PTPRD: variants seen among roughly 807,000 people sequenced by gnomAD.
PTPRD encodes the protein protein tyrosine phosphatase receptor type D.
In PTPRD, 34 loss-of-function variants were observed where a neutral mutation model predicts 214.5. The ratio of observed to expected loss-of-function variants is 0.16; its 90% confidence interval spans 0.12 to 0.21. PTPRD has a LOEUF of 0.21. Among genes scored for constraint, PTPRD ranks in the 10% least tolerant of loss-of-function variants. The pLI, the probability that PTPRD is intolerant of heterozygous loss-of-function variation, is 1.00. For synonymous variants in PTPRD, 1,128 were observed against 845.7 expected, an observed-to-expected ratio of 1.33 and a Z score of -5.79; for missense variants, 2,545 against 2,398.7, an observed-to-expected ratio of 1.06 and a Z score of -1.27.
At chr9:10,303,658 T>A (rs565538861) in intron 3 of PTPRD, among the ~76,000 whole-genome samples, 18 of 151,988 alleles carry the variant, frequency 1.2e-4, no homozygotes, top group African/African-American at 3.9e-4. Context: ...AACTAGAAAA[T>A]CTAGAAGAAA....
At chr9:9,509,440 A>G (rs1375968443) in intron 8 of PTPRD, among the ~76,000 whole-genome samples, 3 of 151,458 alleles carry the variant, frequency 2.0e-5, no homozygotes, top group Non-Finnish European at 4.4e-5. Context: ...GAAACTTACT[A>G]GATCATCACA....
rs142717411 is a variant in PTPRD at position 8,533,810 on chromosome 9, C to G, written c.353-5031G>C. 8.4e-4 allele frequency among the ~76,000 whole-genome samples: 128 copies of G among 152,110 alleles called. 3 individuals are homozygous for G. In the East Asian group the frequency reaches 0.017, roughly 20 times the overall value. On this transcript the variant is annotated intron_variant, in intron 14 of 45. Transcript: ENST00000381196. ...CTCACAATTAGACATTTTTATGATG[C>G]TTTGACAATTACTTTTTCAGCACTC... is the stretch of plus-strand genomic sequence containing the variant.
At chr9:10,602,557 TG>T (rs1318456215) in intron 2 of PTPRD, among the ~76,000 whole-genome samples, 3 of 151,714 alleles carry the variant, frequency 2.0e-5, no homozygotes, top group Admixed American at 2.0e-4. Context: ...GATCAACGTA[TG>T]AGAAAGACAA....
intron 11 of PTPRD, among the ~76,000 whole-genome samples, chr9:8,787,383 A>G (rs2096027936): frequency 6.6e-6 from 1 of 152,178 alleles, no homozygotes; most frequent in South Asian, 2.1e-4. Context: ...AACCCCTTAA[A>G]CATCCCTCAT....
intron 33 of PTPRD, among the ~76,000 whole-genome samples, chr9:8,450,275 T>C (rs1460542577): frequency 1.3e-5 from 2 of 152,154 alleles, no homozygotes; most frequent in Non-Finnish European, 2.9e-5. Context: ...TCTGTCCCCC[T>C]TAGCCCTAAG....
chr9:8,542,721 G>C (rs986090276), intron 14 of PTPRD, among the ~76,000 whole-genome samples: 2 of 152,228 alleles, frequency 1.3e-5, no homozygotes, highest in African/African-American at 2.4e-5. Flanking sequence ...ATTGGCAAAA[G>C]GGGCTCGTAG....
intron 9 of PTPRD, among the ~76,000 whole-genome samples, chr9:9,348,753 G>A (rs1281582666): frequency 3.3e-5 from 5 of 151,962 alleles, no homozygotes; most frequent in African/African-American, 1.2e-4. Context: ...TGCTTTATGT[G>A]GCTTCTCTTG....
intron 4 of PTPRD, among the ~76,000 whole-genome samples, chr9:9,949,551 G>C (rs376647114): frequency 5.9e-5 from 9 of 152,092 alleles, no homozygotes; most frequent in African/African-American, 2.2e-4. Context: ...CAGGGATAAT[G>C]CTACTCACAT....
At chr9:9,035,108 T>A (rs2154379408) in intron 10 of PTPRD, among the ~76,000 whole-genome samples, 1 of 152,226 alleles carries the variant, frequency 6.6e-6, no homozygotes, top group Admixed American at 6.5e-5. Context: ...AATATTTGTA[T>A]TCATAGTGTC....
At chr9:8,585,536 T>C (rs974282072) in intron 14 of PTPRD, among the ~76,000 whole-genome samples, 10 of 152,224 alleles carry the variant, frequency 6.6e-5, no homozygotes, top group African/African-American at 2.4e-4. Flanking sequence ...TTTAATTTCA[T>C]TTGGGTCACA....
intron 3 of PTPRD, among the ~76,000 whole-genome samples, chr9:10,213,052 A>T (rs986483684): frequency 2.0e-5 from 3 of 152,178 alleles, no homozygotes; most frequent in African/African-American, 7.2e-5. Context: ...TATAACAAAA[A>T]ATATAGGTTA....
intron 3 of PTPRD, among the ~76,000 whole-genome samples, chr9:10,073,640 G>A (rs913576169): frequency 1.3e-5 from 2 of 152,040 alleles, no homozygotes; most frequent in African/African-American, 4.8e-5. Flanking sequence ...TAGTTCCTTT[G>A]CCTTTGAGTC....
intron 2 of PTPRD, among the ~76,000 whole-genome samples, chr9:10,408,354 C>T (rs57467262): frequency 0.023 from 3,544 of 151,504 alleles, 149 homozygotes; most frequent in African/African-American, 0.081. Context: ...CTATGTAATG[C>T]TATAATCTTT....
chr9:10,076,519 ACT>A (rs1219138433), intron 3 of PTPRD, among the ~76,000 whole-genome samples: 1 of 151,880 alleles, frequency 6.6e-6, no homozygotes, highest in East Asian at 1.9e-4. Flanking sequence ...ATATGATAAA[ACT>A]CTATAAAAAC....
At chr9:9,684,752 G>C (rs1040840323) in intron 7 of PTPRD, among the ~76,000 whole-genome samples, 3 of 150,996 alleles carry the variant, frequency 2.0e-5, no homozygotes, top group Non-Finnish European at 3.0e-5. Flanking sequence ...TCTTAGATGG[G>C]ATTATTCGCT....
intron 3 of PTPRD, among the ~76,000 whole-genome samples, chr9:10,103,012 AG>A (rs1157707963): frequency 6.6e-6 from 1 of 151,692 alleles, no homozygotes; most frequent in Non-Finnish European, 1.5e-5. Flanking sequence ...GAATAAGAGT[AG>A]GACTTAATGT....
intron 10 of PTPRD, among the ~76,000 whole-genome samples, chr9:9,054,192 T>G (rs2099692023): frequency 6.6e-6 from 1 of 152,140 alleles, no homozygotes; most frequent in African/African-American, 2.4e-5. Context: ...ATCTCAACCA[T>G]CTCAATTTTA....
At chr9:8,538,222 T>C (rs912897714) in intron 14 of PTPRD, among the ~76,000 whole-genome samples, 10 of 152,046 alleles carry the variant, frequency 6.6e-5, no homozygotes, top group African/African-American at 2.4e-4. Flanking sequence ...ATGTTTACCT[T>C]ACTTTGAATA....
At chr9:9,718,650 G>C (rs958793353) in intron 7 of PTPRD, among the ~76,000 whole-genome samples, 3 of 152,188 alleles carry the variant, frequency 2.0e-5, no homozygotes, top group Non-Finnish European at 4.4e-5. Context: ...CCTGCTCTGT[G>C]GTGGAGCAAA....
Sources: gnomAD v4.1 joint callset for allele counts (sites outside exome capture counted in the v4.1 genomes callset) on GRCh38, gnomAD v4.1.1 for gene constraint, MANE v1.5 for transcripts, NCBI Gene and HGNC (gene_info 2026-07-23, HGNC 2026-07-21) for gene names.